The following COMMD1 variants were observed in gnomAD, a reference collection of about 807,000 sequenced individuals.
The protein encoded by COMMD1 is COMM domain-containing protein 1.
A neutral mutation model predicts 17.2 loss-of-function variants in COMMD1; 10 were observed. The observed-to-expected ratio is 0.58, with a 90% confidence interval of 0.36 to 0.99. The LOEUF (loss-of-function observed/expected upper bound fraction) is 0.99. Ranked by LOEUF, COMMD1 falls within the 50% of genes least tolerant of loss-of-function variation. The pLI is 0.01. For synonymous variants in COMMD1, 97 were observed against 91.6 expected, an observed-to-expected ratio of 1.06 and a Z score of -0.34; for missense variants, 270 against 231.8, an observed-to-expected ratio of 1.17 and a Z score of -1.07.
chr2:61,927,119 G>A (rs1244734608), intron 1 of COMMD1, among the ~76,000 whole-genome samples: 1 of 152,146 alleles, frequency 6.6e-6, no homozygotes, highest in African/African-American at 2.4e-5. Flanking sequence ...ATGCAGATTG[G>A]TCATTTCAAA....
At chr2:61,953,933 A>G (rs537568762) in intron 1 of COMMD1, among the ~76,000 whole-genome samples, 1 of 152,032 alleles carries the variant, frequency 6.6e-6, no homozygotes, top group African/African-American at 2.4e-5. Flanking sequence ...TAAAGAGTCT[A>G]TTCAGGCCGG....
intron 2 of COMMD1, among the ~76,000 whole-genome samples, chr2:62,012,570 G>A (rs1205712188): frequency 1.3e-5 from 2 of 151,676 alleles, no homozygotes; most frequent in Admixed American, 6.6e-5. Context: ...CACCCGCCTG[G>A]GCCTCCCAAA....
chr2:62,089,390 A>G (rs1201480229), intron 2 of COMMD1, among the ~76,000 whole-genome samples: 55 of 148,184 alleles, frequency 3.7e-4, no homozygotes, highest in Non-Finnish European at 1.5e-5. Context: ...GGTTCAAGTG[A>G]TTCTCCTGCC....
chr2:62,065,780 T>C (rs1423914609), intron 2 of COMMD1, among the ~76,000 whole-genome samples: 1 of 152,240 alleles, frequency 6.6e-6, no homozygotes, highest in Non-Finnish European at 1.5e-5. Flanking sequence ...TTTTGATAGA[T>C]TATACCTCAA....
intron 2 of COMMD1, among the ~76,000 whole-genome samples, chr2:62,078,027 G>T (rs1323569985): frequency 6.6e-6 from 1 of 152,046 alleles, no homozygotes; most frequent in African/African-American, 2.4e-5. Flanking sequence ...TATAATCACA[G>T]AACTTTGGGA....
chr2:61,918,906 T>C (rs571104670), intron 1 of COMMD1, among the ~76,000 whole-genome samples: 2 of 152,362 alleles, frequency 1.3e-5, no homozygotes, highest in African/African-American at 4.8e-5. Flanking sequence ...ACTTCTGTTA[T>C]GTGGTTCATC....
At chr2:62,013,260 GA>G (rs67152534) in intron 2 of COMMD1, among the ~76,000 whole-genome samples, 141 of 146,846 alleles carry the variant, frequency 9.6e-4, no homozygotes, top group East Asian at 1.8e-3. Flanking sequence ...GGATTTCAAG[GA>G]AAAAAAAAAT....
At chr2:61,947,333 C>CT (rs1320485362) in intron 1 of COMMD1, among the ~76,000 whole-genome samples, 8 of 151,482 alleles carry the variant, frequency 5.3e-5, no homozygotes, top group Middle Eastern at 3.4e-3. Context: ...TTGGAAATGA[C>CT]TTTTTTTTTA....
intron 1 of COMMD1, among the ~76,000 whole-genome samples, chr2:61,999,180 G>A (rs982347077): frequency 3.3e-5 from 5 of 152,162 alleles, no homozygotes; most frequent in Non-Finnish European, 5.9e-5. Context: ...GTGCAATAAA[G>A]TGATGCACAA....
intron 2 of COMMD1, among the ~76,000 whole-genome samples, chr2:62,063,741 T>C: frequency 6.6e-6 from 1 of 151,618 alleles, no homozygotes; most frequent in East Asian, 1.9e-4. Context: ...TTCTTTGAGA[T>C]TGGAGACTTC....
chr2:62,078,005 G>A (rs1186959444), intron 2 of COMMD1, among the ~76,000 whole-genome samples: 3 of 152,144 alleles, frequency 2.0e-5, no homozygotes, highest in Non-Finnish European at 4.4e-5. Flanking sequence ...ACTGGGCATA[G>A]TGGCTCAGGC....
chr2:62,126,184 G>A (rs1672882580), intron 2 of COMMD1, among the ~76,000 whole-genome samples: 1 of 152,166 alleles, frequency 6.6e-6, no homozygotes, highest in Non-Finnish European at 1.5e-5. Context: ...ATGGGCATTT[G>A]GGTTGATTCC....
intron 1 of COMMD1, among the ~76,000 whole-genome samples, chr2:61,993,965 C>G (rs192365058): frequency 3.1e-4 from 47 of 151,278 alleles, no homozygotes; most frequent in African/African-American, 1.1e-3. Flanking sequence ...AAAATAATTC[C>G]TTCCTTCCTT....
intron 2 of COMMD1, among the ~76,000 whole-genome samples, chr2:62,054,816 A>G (rs1670644260): frequency 6.6e-6 from 1 of 152,214 alleles, no homozygotes; most frequent in Non-Finnish European, 1.5e-5. Context: ...CCTCTATGCA[A>G]TCTATGTATA....
At chr2:62,008,589 A>G (rs1333555363) in intron 2 of COMMD1, among the ~76,000 whole-genome samples, 1 of 152,236 alleles carries the variant, frequency 6.6e-6, no homozygotes, top group East Asian at 1.9e-4. Flanking sequence ...CAAGCAATAC[A>G]AATTTGTTTC....
chr2:62,044,452 G>T (rs760728645), intron 2 of COMMD1, among the ~76,000 whole-genome samples: 1 of 152,232 alleles, frequency 6.6e-6, no homozygotes, highest in African/African-American at 2.4e-5. Flanking sequence ...ACTGATTTCT[G>T]TGTTGACCTC....
At chr2:62,013,191 A>G (rs1558562065) in intron 2 of COMMD1, among the ~76,000 whole-genome samples, 1 of 152,134 alleles carries the variant, frequency 6.6e-6, no homozygotes, top group Non-Finnish European at 1.5e-5. Context: ...GCTTTTCTGC[A>G]CATTAAAAGC....
At chr2:62,061,637 G>A (rs1186602679) in intron 2 of COMMD1, among the ~76,000 whole-genome samples, 110 of 147,958 alleles carry the variant, frequency 7.4e-4, no homozygotes, top group African/African-American at 2.6e-3. Context: ...CTCACTGCAA[G>A]CTCTGCCTCC....
intron 1 of COMMD1, among the ~76,000 whole-genome samples, chr2:61,933,741 GACA>G (rs1670529627): frequency 6.6e-6 from 1 of 151,628 alleles, no homozygotes; most frequent in Admixed American, 6.6e-5. Context: ...AATGAACAAA[GACA>G]ACAAGCAACT....
Sources: gnomAD v4.1 joint callset for allele counts (sites outside exome capture counted in the v4.1 genomes callset) on GRCh38, gnomAD v4.1.1 for gene constraint, MANE v1.5 for transcripts, NCBI Gene and HGNC (gene_info 2026-07-23, HGNC 2026-07-21) for gene names.